The following TMEM154 variants were observed in gnomAD, a reference collection of about 807,000 sequenced individuals.
The protein encoded by TMEM154 is transmembrane protein 154.
A neutral mutation model predicts 24.5 loss-of-function variants in TMEM154; 27 were observed. The ratio of observed to expected loss-of-function variants is 1.10; its 90% confidence interval spans 0.81 to 1.52. The LOEUF is 1.52. Ranked by LOEUF, TMEM154 falls within the 40% of genes most tolerant of loss-of-function variation. The probability of loss-of-function intolerance (pLI) is 0.00; values close to 1 mark genes in which losing one functional copy is unlikely to be tolerated. For synonymous variants in TMEM154, 67 were observed against 76.8 expected (o/e 0.87, Z 0.67); for missense variants, 228 against 213.4 (o/e 1.07, Z -0.43).
intron 1 of TMEM154, among the ~76,000 whole-genome samples, chr4:152,674,790 T>C (rs904041724): frequency 2.6e-5 from 4 of 151,892 alleles, no homozygotes; most frequent in Non-Finnish European, 5.9e-5. Flanking sequence ...TAATTTGGGG[T>C]TCTGTTAAGT....
At chr4:152,677,878 G>A (rs1728980002) in intron 1 of TMEM154, among the ~76,000 whole-genome samples, 1 of 152,158 alleles carries the variant, frequency 6.6e-6, no homozygotes, top group Admixed American at 6.5e-5. Context: ...AGTCAAAGGT[G>A]AACTACAGAG....
chr4:152,661,284 T>TTCTCTCTCTCTCTCTC (rs70949609), intron 1 of TMEM154, among the ~76,000 whole-genome samples: 29 of 63,448 alleles, frequency 4.6e-4, no homozygotes, highest in Non-Finnish European at 5.0e-4. Flanking sequence ...ATTGTTCTCT[T>TTCTCTCTCTCTCTCTC]TCTCTCTCTC....
Position 152,628,378 on chromosome 4 carries a change from G to A in TMEM154, c.*168C>T, listed in dbSNP as rs570285762. 6.4e-5 allele frequency: 73 copies of A among 1,137,038 alleles called. No homozygotes were observed. Among genetic ancestry groups the A allele is most frequent in the African/African-American group, 1.1e-4 (7 of 64,042 alleles). 70.4% of individuals were successfully genotyped at this position (1,137,038 alleles called of 1,614,324 possible). ...CAATTGCACATTCTTCCAAGTGCAAGTGATGCCATCATTAGGAAGAGTGGG... is the reference window on the plus strand; with the variant it reads ...CAATTGCACATTCTTCCAAGTGCAAATGATGCCATCATTAGGAAGAGTGGG... On this transcript the variant is annotated 3_prime_UTR_variant, in exon 7 of 7. Transcript: ENST00000304385.
chr4:152,627,282 C>T lies in TMEM154; in HGVS notation c.*1264G>A, dbSNP rs911267079. 7 of 152,130 alleles carry T rather than the reference C, an allele frequency of 4.6e-5. No homozygotes were observed. Among genetic ancestry groups the T allele is most frequent in the Admixed American group, 2.6e-4 (4 of 15,278 alleles). 9.4% of individuals were successfully genotyped at this position (152,130 alleles called of 1,614,324 possible). ...ATGTTTGGGTAGTCCCATCTCCCTT[C>T]GGTTTATATGTGGGTAGTAAAATAA... On this transcript the variant is annotated 3_prime_UTR_variant, in exon 7 of 7. Coordinates refer to ENST00000304385, the MANE Select transcript of TMEM154 (RefSeq NM_152680.3).
At chr4:152,679,825 T>C (rs1358955064) in intron 1 of TMEM154, 45 bp downstream of exon 1, 6 of 1,581,864 alleles carry the variant, frequency 3.8e-6, no homozygotes, top group Non-Finnish European at 5.2e-6. Flanking sequence ...CCCTACCAGC[T>C]TTTGCGATCC....
At chr4:152,655,283 G>T (rs1728467729) in intron 1 of TMEM154, among the ~76,000 whole-genome samples, 1 of 152,236 alleles carries the variant, frequency 6.6e-6, no homozygotes, top group South Asian at 2.1e-4. Context: ...GCTCCCCAAT[G>T]TGGGGAAAGG....
intron 3 of TMEM154, among the ~76,000 whole-genome samples, chr4:152,645,183 C>T (rs1489562859): frequency 6.6e-6 from 1 of 151,998 alleles, no homozygotes; most frequent in African/African-American, 2.4e-5. Context: ...GGGATCGTGT[C>T]TGTCTTATTT....
chr4:152,658,182 T>C (rs1728527417), intron 1 of TMEM154, among the ~76,000 whole-genome samples: 1 of 152,136 alleles, frequency 6.6e-6, no homozygotes, highest in African/African-American at 2.4e-5. Flanking sequence ...TGCTCCTGAA[T>C]GACCATTGAG....
At chr4:152,647,415 T>C in intron 3 of TMEM154, 1 of 804,828 alleles carries the variant, frequency 1.2e-6, no homozygotes, top group Non-Finnish European at 1.5e-6. Flanking sequence ...GTCCATCTGT[T>C]AAGCAGTTAG....
At chr4:152,660,722 T>C (rs939668711) in intron 1 of TMEM154, among the ~76,000 whole-genome samples, 2 of 152,170 alleles carry the variant, frequency 1.3e-5, no homozygotes, top group Non-Finnish European at 2.9e-5. Context: ...AAGTGGTGAA[T>C]GAGAGGGAAC....
intron 6 of TMEM154, among the ~76,000 whole-genome samples, chr4:152,633,313 T>C (rs1244673051): frequency 6.6e-6 from 1 of 152,232 alleles, no homozygotes; most frequent in Non-Finnish European, 1.5e-5. Flanking sequence ...TAGCAGCTCT[T>C]ACTGGTGCTG....
rs17029073 is a variant in TMEM154 at position 152,619,042 on chromosome 4, G to T, written c.*9504C>A. ...ATTGGTTTTTCTGTTATTATGGAGC[G>T]TGCAGTAGCGCCAAGCACTTTTCAG... On this transcript the variant is annotated 3_prime_UTR_variant, in exon 7 of 7. Coordinates refer to ENST00000304385, the MANE Select transcript of TMEM154 (RefSeq NM_152680.3). 6.6e-6 allele frequency: 1 copy of T among 152,124 alleles called. No homozygotes were observed. Among genetic ancestry groups the T allele is most frequent in the Non-Finnish European group, 1.5e-5 (1 of 68,028 alleles). The allele number at this position is 152,124 out of a possible 1,614,324, so 9.4% of individuals were successfully genotyped here.
At chr4:152,632,735 C>T (rs997929425) in intron 6 of TMEM154, among the ~76,000 whole-genome samples, 9 of 152,130 alleles carry the variant, frequency 5.9e-5, no homozygotes, top group Non-Finnish European at 5.9e-5. Flanking sequence ...TTGGTGTGTG[C>T]TAACGAGTGG....
intron 1 of TMEM154, among the ~76,000 whole-genome samples, chr4:152,675,188 C>A (rs1728927614): frequency 6.9e-6 from 1 of 144,324 alleles, no homozygotes. Context: ...GAATGTGAGG[C>A]AACAGATATG....
chr4:152,628,600 A>AACACACAC (rs759606877), intron 6 of TMEM154, 39 bp from the exon 7 acceptor site: 3 of 989,748 alleles, frequency 3.0e-6, no homozygotes, highest in African/African-American at 4.0e-5. Flanking sequence ...AAACAAAAAA[A>AACACACAC]ACACACACAC....
intron 1 of TMEM154, among the ~76,000 whole-genome samples, chr4:152,657,867 C>G (rs943021798): frequency 6.6e-6 from 1 of 152,116 alleles, no homozygotes; most frequent in African/African-American, 2.4e-5. Context: ...ACCAAGGATT[C>G]TATACCCAGC....
rs113098803 is a variant in TMEM154, at chr4:152,620,743, C to T, written c.*7803G>A. The T allele has an allele frequency of 0.033, 4,997 of 152,136 alleles. 112 individuals are homozygous for T. The highest frequency in any genetic ancestry group is 0.059 in the African/African-American group (2,438 of 41,478). 9.4% of individuals were successfully genotyped at this position (152,136 alleles called of 1,614,324 possible). Reference sequence around the variant, plus strand: ...CTCAAACTCCTGACCTCAGGTGATCCGCCTGCCTCGGCCTCCCAAAGTGGT... The same window carrying T: ...CTCAAACTCCTGACCTCAGGTGATCTGCCTGCCTCGGCCTCCCAAAGTGGT... On this transcript the variant is annotated 3_prime_UTR_variant, in exon 7 of 7. Coordinates refer to ENST00000304385, the MANE Select transcript of TMEM154 (RefSeq NM_152680.3).
At chr4:152,640,878 C>A (rs1752243466) in intron 6 of TMEM154, 50 bp downstream of exon 6, 4 of 1,225,776 alleles carry the variant, frequency 3.3e-6, no homozygotes, top group African/African-American at 3.1e-5. Flanking sequence ...GTTCCCAATC[C>A]CCCCGCCCCC....
chr4:152,654,285 A>T (rs1728447590), intron 1 of TMEM154, among the ~76,000 whole-genome samples: 1 of 152,236 alleles, frequency 6.6e-6, no homozygotes, highest in Non-Finnish European at 1.5e-5. Flanking sequence ...AATTTACAAG[A>T]AAGTTATTCT....
Sources: allele counts gnomAD v4.1 joint callset (sites outside exome capture counted in the v4.1 genomes callset), GRCh38; gene constraint gnomAD v4.1.1; transcripts MANE v1.5; gene names NCBI Gene and HGNC (gene_info 2026-07-23, HGNC 2026-07-21).